The following INPP5D variants were observed in gnomAD, a reference collection of about 807,000 sequenced individuals.
The protein encoded by INPP5D is phosphatidylinositol 3,4,5-trisphosphate 5-phosphatase 1.
Under a neutral mutation model 122.9 loss-of-function variants are expected in INPP5D, and 33 were observed. That is an observed-to-expected ratio of 0.27 (90% CI 0.20 to 0.36). The LOEUF (loss-of-function observed/expected upper bound fraction) is 0.36. Among genes scored for constraint, INPP5D ranks in the 10% least tolerant of loss-of-function variants. The pLI is 1.00. For missense variants in INPP5D, 1,053 were observed against 1,412.7 expected, an observed-to-expected ratio of 0.75 and a Z score of 4.08; for synonymous variants, 584 against 576.2, an observed-to-expected ratio of 1.01 and a Z score of -0.19.
intron 2 of INPP5D, 151 bp from the exon 3 acceptor site, chr2:233,121,956 G>A (rs750513211): frequency 8.0e-6 from 6 of 751,448 alleles, no homozygotes; most frequent in Non-Finnish European, 1.3e-5. Context: ...GTGTGGGCAT[G>A]AGGGTCACAC....
At chr2:233,148,671 G>A (rs527716172) in intron 9 of INPP5D, among the ~76,000 whole-genome samples, 71 of 152,268 alleles carry the variant, frequency 4.7e-4, no homozygotes, top group African/African-American at 1.3e-3. Context: ...GCAGCCTCTC[G>A]TTCTGGCTGA....
intron 22 of INPP5D, among the ~76,000 whole-genome samples, chr2:233,191,804 C>CTTATTTATCCAAATAAATTATT (rs1559344124): frequency 3.3e-5 from 5 of 152,136 alleles, no homozygotes; most frequent in Admixed American, 6.5e-5. Flanking sequence ...CATTTATCCA[C>CTTATTTATCCAAATAAATTATT]GTGCTTATTT....
At chr2:233,169,881 G>T in intron 14 of INPP5D, 145 bp from the exon 15 acceptor site, 1 of 1,473,122 alleles carries the variant, frequency 6.8e-7, no homozygotes, top group South Asian at 1.3e-5. Flanking sequence ...AAGGAGTTCT[G>T]CTGCAGCAGG....
intron 19 of INPP5D, 48 bp downstream of exon 19, chr2:233,182,547 A>C: frequency 6.2e-7 from 1 of 1,605,864 alleles, no homozygotes; most frequent in East Asian, 2.3e-5. Context: ...AATGACAAGG[A>C]GTGTTGGGAG....
chr2:233,169,792 C>CAT, intron 14 of INPP5D: 1 of 668,872 alleles, frequency 1.5e-6, no homozygotes, highest in Non-Finnish European at 2.5e-6. Context: ...GATGCTGCTG[C>CAT]TCCTGGTCCC....
intron 6 of INPP5D, among the ~76,000 whole-genome samples, chr2:233,142,992 C>T (rs1693662353): frequency 6.6e-6 from 1 of 152,100 alleles, no homozygotes; most frequent in African/African-American, 2.4e-5. Flanking sequence ...TGCCAAATGT[C>T]CCCTGGAGGG....
At chr2:233,162,880 T>G (rs1457469903) in intron 11 of INPP5D, among the ~76,000 whole-genome samples, 1 of 152,206 alleles carries the variant, frequency 6.6e-6, no homozygotes, top group Non-Finnish European at 1.5e-5. Flanking sequence ...ATAGTCTGCC[T>G]GATCTCCTCC....
At chr2:233,131,479 C>A (rs1693324337) in intron 5 of INPP5D, among the ~76,000 whole-genome samples, 1 of 151,790 alleles carries the variant, frequency 6.6e-6, no homozygotes, top group Non-Finnish European at 1.5e-5. Flanking sequence ...GGTGGATCAC[C>A]TGAGGTCAGC....
chr2:233,133,818 G>A (rs565568411), intron 5 of INPP5D, among the ~76,000 whole-genome samples: 277 of 152,236 alleles, frequency 1.8e-3, no homozygotes, highest in African/African-American at 6.3e-3. Flanking sequence ...GGGAGTGGCT[G>A]TGGTTGTCCA....
At chr2:233,094,512 C>CAA (rs58284775) in intron 2 of INPP5D, among the ~76,000 whole-genome samples, 792 of 34,954 alleles carry the variant, frequency 0.023, 217 homozygotes, top group Middle Eastern at 0.11. Context: ...GACTCCATCC[C>CAA]AAAAAAAAAA....
intron 1 of INPP5D, among the ~76,000 whole-genome samples, chr2:233,070,534 C>G (rs1430786820): frequency 2.0e-5 from 3 of 151,908 alleles, no homozygotes; most frequent in Admixed American, 2.0e-4. Context: ...TTCTGCCTCC[C>G]CAGTTCAAGT....
intron 5 of INPP5D, among the ~76,000 whole-genome samples, chr2:233,138,479 TGAC>T: frequency 6.6e-6 from 1 of 151,924 alleles, no homozygotes. Context: ...AGAAAAACAA[TGAC>T]ATTAGAAATT....
chr2:233,178,385 A>T (rs1229546019), intron 18 of INPP5D, among the ~76,000 whole-genome samples: 1 of 152,228 alleles, frequency 6.6e-6, no homozygotes, highest in Non-Finnish European at 1.5e-5. Context: ...CCCATTACTT[A>T]CGAAGTGAGA....
At chr2:233,098,605 C>G (rs967381875) in intron 2 of INPP5D, among the ~76,000 whole-genome samples, 6 of 152,316 alleles carry the variant, frequency 3.9e-5, no homozygotes, top group African/African-American at 9.6e-5. Flanking sequence ...TTTGAAAAAC[C>G]AGGCAGGTCT....
chr2:233,126,476 A>T (rs1693162167), intron 4 of INPP5D, among the ~76,000 whole-genome samples: 1 of 152,224 alleles, frequency 6.6e-6, no homozygotes, highest in Non-Finnish European at 1.5e-5. Flanking sequence ...CCACCTGGAC[A>T]TACCCATTGG....
rs1230284166 is a variant in INPP5D at position 233,105,876 on chromosome 2, C to T, written c.199-16231C>T. ...AGAGATGGTGGGGTCCAAAGAGGCC[C>T]GAAGGCCTGCACAGGGGATGAGATG... On this transcript the variant is annotated intron_variant, in intron 2 of 26. Transcript: ENST00000445964. The surrounding 1 kb of genome is among the most constrained non-coding windows in gnomAD (Gnocchi z 4.0). 6.6e-6 allele frequency among the ~76,000 whole-genome samples: 1 copy of T among 152,030 alleles called. No individual in the cohort carries two copies. The highest frequency in any genetic ancestry group is 1.5e-5 in the Non-Finnish European group (1 of 68,016).
At chr2:233,126,672 C>A (rs1384134724) in intron 4 of INPP5D, among the ~76,000 whole-genome samples, 3 of 152,166 alleles carry the variant, frequency 2.0e-5, no homozygotes, top group African/African-American at 7.2e-5. Context: ...GTAATCTCAG[C>A]ACTTTGGGAG....
intron 2 of INPP5D, among the ~76,000 whole-genome samples, chr2:233,103,680 G>A (rs1692380670): frequency 1.3e-5 from 2 of 151,548 alleles, no homozygotes; most frequent in East Asian, 1.9e-4. Flanking sequence ...CAGTGCTAGG[G>A]TGTTCTCTCA....
intron 25 of INPP5D, among the ~76,000 whole-genome samples, chr2:233,198,883 G>T (rs1197061045): frequency 6.6e-6 from 1 of 151,694 alleles, no homozygotes; most frequent in Non-Finnish European, 1.5e-5. Flanking sequence ...CCAGGAGGTG[G>T]AGGTTGCGGT....
Sources: allele counts gnomAD v4.1 joint callset (sites outside exome capture counted in the v4.1 genomes callset), GRCh38; gene constraint gnomAD v4.1.1; non-coding constraint Gnocchi (gnomAD v3.1); transcripts MANE v1.5; gene names NCBI Gene and HGNC (gene_info 2026-07-23, HGNC 2026-07-21).